RBFOX1: variants seen among roughly 807,000 people sequenced by gnomAD.
RBFOX1 encodes the protein RNA binding protein fox-1 homolog 1.
Under a neutral mutation model 57.7 loss-of-function variants are expected in RBFOX1, and 8 were observed. That is an observed-to-expected ratio of 0.14 (90% CI 0.08 to 0.25). The LOEUF is 0.25. RBFOX1 is among the 10% of genes least tolerant of loss of function. The pLI is 1.00. For synonymous variants in RBFOX1, 326 were observed against 222.4 expected (o/e 1.47, Z -4.15); for missense variants, 611 against 548.5 (o/e 1.11, Z -1.14).
At chr16:7,119,923 A>G (rs1251810047) in intron 4 of RBFOX1, among the ~76,000 whole-genome samples, 1 of 152,144 alleles carries the variant, frequency 6.6e-6, no homozygotes, top group African/African-American at 2.4e-5. Context: ...TCCACATGAG[A>G]TATTTACCAA....
intron 6 of RBFOX1, among the ~76,000 whole-genome samples, chr16:7,582,099 G>A (rs566504320): frequency 4.0e-5 from 6 of 150,970 alleles, no homozygotes; most frequent in Admixed American, 2.0e-4. Context: ...GCATGATCTC[G>A]GCTCATTGCA....
At chr16:6,916,462 T>C (rs1197491560) in intron 3 of RBFOX1, among the ~76,000 whole-genome samples, 1 of 152,150 alleles carries the variant, frequency 6.6e-6, no homozygotes, top group Non-Finnish European at 1.5e-5. Context: ...CACCTTTGGT[T>C]AACGAAATAA....
intron 3 of RBFOX1, among the ~76,000 whole-genome samples, chr16:5,629,919 G>A (rs1295193259): frequency 6.6e-6 from 1 of 152,186 alleles, no homozygotes; most frequent in Non-Finnish European, 1.5e-5. Context: ...GGAGGAGTCA[G>A]TTAGCTGATG....
At chr16:6,942,504 A>G (rs557790009) in intron 3 of RBFOX1, among the ~76,000 whole-genome samples, 2 of 152,070 alleles carry the variant, frequency 1.3e-5, no homozygotes, top group Non-Finnish European at 2.9e-5. Flanking sequence ...CTCCTGGGAG[A>G]TGAAGCTTCC....
chr16:6,555,561 G>T (rs911685497), intron 2 of RBFOX1, among the ~76,000 whole-genome samples: 1 of 152,040 alleles, frequency 6.6e-6, no homozygotes, highest in African/African-American at 2.4e-5. Flanking sequence ...TTAGCCGGGC[G>T]TGGTGGCGGG....
intron 3 of RBFOX1, among the ~76,000 whole-genome samples, chr16:6,943,790 T>C (rs2078985834): frequency 6.6e-6 from 1 of 151,066 alleles, no homozygotes; most frequent in Admixed American, 6.6e-5. Flanking sequence ...CAACCACTCA[T>C]AGACTGTTAA....
chr16:7,573,995 A>C (rs1036927272), intron 5 of RBFOX1, among the ~76,000 whole-genome samples: 1 of 152,094 alleles, frequency 6.6e-6, no homozygotes, highest in Non-Finnish European at 1.5e-5. Context: ...CAAGTTTCCT[A>C]GCTTTTTCAC....
intron 4 of RBFOX1, among the ~76,000 whole-genome samples, chr16:7,060,860 A>C (rs1456553033): frequency 6.6e-6 from 1 of 152,194 alleles, no homozygotes; most frequent in Non-Finnish European, 1.5e-5. Context: ...TGTAAGCATG[A>C]ATACCATTCT....
chr16:7,437,255 C>CT (rs2098729797), intron 4 of RBFOX1, among the ~76,000 whole-genome samples: 1 of 133,574 alleles, frequency 7.5e-6, no homozygotes, highest in Admixed American at 7.4e-5. Flanking sequence ...TCTTTGCCCC[C>CT]CCCCCCTTTC....
At chr16:6,512,380 T>C (rs1484725989) in intron 2 of RBFOX1, among the ~76,000 whole-genome samples, 1 of 149,344 alleles carries the variant, frequency 6.7e-6, no homozygotes, top group African/African-American at 2.5e-5. Context: ...CAATCAAGAG[T>C]GCTCAAAATT....
At chr16:7,236,800 G>A (rs988997033) in intron 4 of RBFOX1, among the ~76,000 whole-genome samples, 100 of 152,258 alleles carry the variant, frequency 6.6e-4, no homozygotes, top group African/African-American at 2.1e-3. Flanking sequence ...GACAGTCCTT[G>A]TGCCTGGGTT....
chr16:6,160,492 C>A (rs1318494396), intron 1 of RBFOX1, among the ~76,000 whole-genome samples: 1 of 152,132 alleles, frequency 6.6e-6, no homozygotes, highest in Non-Finnish European at 1.5e-5. Context: ...CCCTCCAGCA[C>A]CATCACCCTG....
intron 7 of RBFOX1, among the ~76,000 whole-genome samples, chr16:7,591,584 A>C (rs1382378555): frequency 6.6e-6 from 1 of 152,148 alleles, no homozygotes; most frequent in East Asian, 1.9e-4. Flanking sequence ...TATCTGCCCT[A>C]CTGATTATAC....
intron 1 of RBFOX1, among the ~76,000 whole-genome samples, chr16:6,218,329 GAC>G (rs1268383868): frequency 6.6e-6 from 1 of 151,694 alleles, no homozygotes; most frequent in African/African-American, 2.4e-5. Context: ...TGTTTTTTGA[GAC>G]ACAGTCTCAC....
intron 1 of RBFOX1, among the ~76,000 whole-genome samples, chr16:6,082,459 G>A (rs1477323752): frequency 1.4e-5 from 2 of 142,418 alleles, no homozygotes; most frequent in Non-Finnish European, 3.0e-5. Context: ...TTGAGCCACC[G>A]TGCCCAGCCT....
chr16:5,680,811 C>G (rs1434979801), intron 3 of RBFOX1, among the ~76,000 whole-genome samples: 1 of 152,114 alleles, frequency 6.6e-6, no homozygotes, highest in Non-Finnish European at 1.5e-5. Context: ...CTGAGAACCT[C>G]TATGTCCCAG....
chr16:6,827,672 C>G (rs993312216), intron 3 of RBFOX1, among the ~76,000 whole-genome samples: 1 of 152,178 alleles, frequency 6.6e-6, no homozygotes, highest in East Asian at 1.9e-4. Context: ...TTTGAGGTCT[C>G]TTCTGATCCT....
At chr16:6,035,077 T>A (rs535737850) in intron 1 of RBFOX1, among the ~76,000 whole-genome samples, 1 of 149,582 alleles carries the variant, frequency 6.7e-6, no homozygotes, top group South Asian at 2.1e-4. Context: ...TGTAGGATGT[T>A]TAATAGCATC....
Position 6,457,246 on chromosome 16 carries a change from T to C in RBFOX1, c.-64+140189T>C, listed in dbSNP as rs2153056655. 1.3e-5 allele frequency among the ~76,000 whole-genome samples: 2 copies of C among 152,012 alleles called. 1 individual carries two copies. Among genetic ancestry groups the C allele is most frequent in the Middle Eastern group, 6.9e-3 (2 of 290 alleles). ...ATGTCAGAAAATCAGCAGGAAATAG[T>C]GGTGTTATGGAAGCAAAAGGAAAAC... On this transcript the variant is annotated intron_variant, in intron 2 of 15. Transcript: ENST00000550418.
Sources: allele counts gnomAD v4.1 joint callset (sites outside exome capture counted in the v4.1 genomes callset), GRCh38; gene constraint gnomAD v4.1.1; transcripts MANE v1.5; gene names NCBI Gene and HGNC (gene_info 2026-07-23, HGNC 2026-07-21).